The following PTPRD variants were observed in gnomAD, a reference collection of about 807,000 sequenced individuals.
PTPRD encodes the protein protein tyrosine phosphatase receptor type D.
PTPRD carries 34 observed loss-of-function variants against 214.5 expected under a neutral mutation model. The observed-to-expected ratio is 0.16, with a 90% CI of 0.12 to 0.21. The LOEUF is 0.21. Among genes scored for constraint, PTPRD ranks in the 10% least tolerant of loss-of-function variants. The pLI, the probability that PTPRD is intolerant of heterozygous loss-of-function variation, is 1.00. For synonymous variants in PTPRD, 1,128 were observed against 845.7 expected (o/e 1.33, Z -5.79); for missense variants, 2,545 against 2,398.7 (o/e 1.06, Z -1.27).
intron 8 of PTPRD, among the ~76,000 whole-genome samples, chr9:9,521,855 A>G (rs2096981494): frequency 6.6e-6 from 1 of 152,044 alleles, no homozygotes; most frequent in Non-Finnish European, 1.5e-5. Context: ...TAAATACTAC[A>G]GAAAAAAAAT....
intron 11 of PTPRD, among the ~76,000 whole-genome samples, chr9:8,943,764 T>A (rs1244420872): frequency 4.0e-5 from 6 of 149,998 alleles, no homozygotes; most frequent in African/African-American, 1.5e-4. Context: ...TCTAAATTGG[T>A]TAAAAACTTA....
intron 9 of PTPRD, among the ~76,000 whole-genome samples, chr9:9,267,228 C>T (rs1940325718): frequency 6.6e-6 from 1 of 151,020 alleles, no homozygotes; most frequent in Non-Finnish European, 1.5e-5. Context: ...AAAGAAGAGA[C>T]ATTACAATTG....
At chr9:9,767,075 T>G (rs555386757) in intron 5 of PTPRD, among the ~76,000 whole-genome samples, 2 of 151,848 alleles carry the variant, frequency 1.3e-5, no homozygotes, top group Admixed American at 1.3e-4. Flanking sequence ...ACTTCATAAT[T>G]TGAACCCAAA....
At chr9:9,824,060 A>T (rs1384407932) in intron 5 of PTPRD, among the ~76,000 whole-genome samples, 1 of 152,030 alleles carries the variant, frequency 6.6e-6, no homozygotes, top group Non-Finnish European at 1.5e-5. Context: ...TTCATGCACA[A>T]AATTATTAAA....
rs1432084263 is a variant in PTPRD at position 8,531,119 on chromosome 9, AT to A, written c.353-2341del. Among the ~76,000 whole-genome samples the A allele has an allele frequency of 3.3e-5, 5 of 151,916 alleles. No homozygotes were observed. In the East Asian group the frequency reaches 9.7e-4, roughly 29 times the overall value. On this transcript the variant is annotated intron_variant, in intron 14 of 45. Transcript: ENST00000381196. Reference sequence around the variant, plus strand: ...GGCTCATTTGTGGAAGCAGTAATACATTGTTTTTGTGAATGTTTACACATCG... The same window carrying A: ...GGCTCATTTGTGGAAGCAGTAATACATGTTTTTGTGAATGTTTACACATCG...
At chr9:8,773,406 C>T (rs1470986609) in intron 11 of PTPRD, among the ~76,000 whole-genome samples, 1 of 152,134 alleles carries the variant, frequency 6.6e-6, no homozygotes, top group Non-Finnish European at 1.5e-5. Context: ...AAACTCTCGC[C>T]AGGCAGTAAG....
At chr9:8,547,509 G>A (rs1355380022) in intron 14 of PTPRD, among the ~76,000 whole-genome samples, 2 of 151,938 alleles carry the variant, frequency 1.3e-5, no homozygotes, top group Non-Finnish European at 2.9e-5. Flanking sequence ...CTGGTGTGGT[G>A]GCATGTGCCT....
At chr9:9,794,655 T>C (rs1244068460) in intron 5 of PTPRD, among the ~76,000 whole-genome samples, 1 of 152,156 alleles carries the variant, frequency 6.6e-6, no homozygotes, top group Non-Finnish European at 1.5e-5. Context: ...TTTAATCTGA[T>C]CTTCAAAAGA....
chr9:8,342,031 A>AAATAAG, intron 39 of PTPRD, 53 bp from the exon 40 acceptor site: 1 of 1,480,138 alleles, frequency 6.8e-7, no homozygotes, highest in South Asian at 1.4e-5. Flanking sequence ...GAAAATCAAT[A>AAATAAG]CATAATAAAA....
At chr9:8,944,991 A>G (rs10977386) in intron 11 of PTPRD, among the ~76,000 whole-genome samples, 20,724 of 152,028 alleles carry the variant, frequency 0.14, 1,580 homozygotes, top group South Asian at 0.23. Context: ...CACATTGTAT[A>G]CCTCTCAAAA....
rs142767527 is a variant in PTPRD at position 9,568,218 on chromosome 9, C to T, written c.-237+6514G>A. On this transcript the variant is annotated intron_variant, in intron 8 of 45. Coordinates refer to ENST00000381196, the MANE Select transcript of PTPRD (RefSeq NM_002839.4). ...TTGTGGCTCAAAGCATATCAACTGACATAATTAGAATAATTAAATTTAAAG... is the reference window on the plus strand; with the variant it reads ...TTGTGGCTCAAAGCATATCAACTGATATAATTAGAATAATTAAATTTAAAG... Among the ~76,000 whole-genome samples the T allele has an allele frequency of 3.0e-3, 455 of 151,908 alleles. 2 individuals carry two copies. Among genetic ancestry groups the T allele is most frequent in the African/African-American group, 0.01 (430 of 41,482 alleles).
intron 9 of PTPRD, among the ~76,000 whole-genome samples, chr9:9,375,826 G>T (rs921855764): frequency 3.9e-5 from 6 of 152,080 alleles, no homozygotes; most frequent in Non-Finnish European, 8.8e-5. Context: ...GATATGAAAA[G>T]TCAGTTTGCG....
At chr9:8,850,542 T>A (rs2097789795) in intron 11 of PTPRD, among the ~76,000 whole-genome samples, 3 of 152,094 alleles carry the variant, frequency 2.0e-5, no homozygotes, top group Admixed American at 1.3e-4. Context: ...AGTTGCCTCT[T>A]TTCTTCCCCC....
intron 4 of PTPRD, among the ~76,000 whole-genome samples, chr9:9,938,820 C>T (rs928514103): frequency 1.3e-5 from 2 of 152,240 alleles, no homozygotes; most frequent in South Asian, 2.1e-4. Context: ...TATATTTTAT[C>T]TCCTATAAAA....
chr9:9,000,744 C>T (rs1013247146), intron 11 of PTPRD, among the ~76,000 whole-genome samples: 3 of 151,918 alleles, frequency 2.0e-5, no homozygotes, highest in African/African-American at 4.8e-5. Context: ...AATTAAACCT[C>T]GCCAAGCAGA....
At chr9:9,395,275 T>A (rs7869095) in intron 9 of PTPRD, among the ~76,000 whole-genome samples, 39,844 of 151,948 alleles carry the variant, frequency 0.26, 5,360 homozygotes, top group South Asian at 0.3. Flanking sequence ...ACTTGAGAAC[T>A]TGTTGAAAAT....
chr9:8,477,112 G>C (rs891032992), intron 30 of PTPRD, among the ~76,000 whole-genome samples: 1 of 149,808 alleles, frequency 6.7e-6, no homozygotes, highest in Non-Finnish European at 1.5e-5. Context: ...GAAAGAACTT[G>C]CTTGAAATGA....
intron 43 of PTPRD, among the ~76,000 whole-genome samples, chr9:8,333,247 G>T (rs562056504): frequency 6.6e-6 from 1 of 152,250 alleles, no homozygotes; most frequent in East Asian, 1.9e-4. Flanking sequence ...AGCACAGGAA[G>T]GAGACCCAGA....
chr9:8,730,874 G>C (rs900574330), intron 12 of PTPRD, among the ~76,000 whole-genome samples: 1 of 152,134 alleles, frequency 6.6e-6, no homozygotes, highest in Non-Finnish European at 1.5e-5. Context: ...CCTTCCCTGA[G>C]ATCACAGCTC....
Sources: gnomAD v4.1 joint callset for allele counts (sites outside exome capture counted in the v4.1 genomes callset) on GRCh38, gnomAD v4.1.1 for gene constraint, MANE v1.5 for transcripts, NCBI Gene and HGNC (gene_info 2026-07-23, HGNC 2026-07-21) for gene names.